DMD: variants seen among roughly 807,000 people sequenced by gnomAD.
DMD encodes the protein dystrophin.
Under a neutral mutation model 330.1 loss-of-function variants are expected in DMD, and 63 were observed. The observed-to-expected ratio is 0.19, with a 90% confidence interval of 0.16 to 0.24. The LOEUF is 0.24. DMD is among the 10% of genes least tolerant of loss of function. The pLI is 1.00. For missense variants in DMD, 3,344 were observed against 2,684.1 expected, an observed-to-expected ratio of 1.25 and a Z score of -5.43; for synonymous variants, 1,223 against 959.8, an observed-to-expected ratio of 1.27 and a Z score of -5.07.
At chrX:32,729,642 G>A (rs1171596380) in intron 7 of DMD, among the ~76,000 whole-genome samples, 2 of 111,726 alleles carry the variant, frequency 1.8e-5, no homozygotes, top group Non-Finnish European at 3.8e-5. Flanking sequence ...TTGTTAAAAA[G>A]AAATATGCCA....
chrX:31,365,959 AAAC>A (rs1182561967), intron 60 of DMD, among the ~76,000 whole-genome samples: 1 of 112,507 alleles, frequency 8.9e-6, no homozygotes, highest in African/African-American at 3.2e-5. Context: ...TAAAAAAGCC[AAAC>A]AACAGAAATG....
chrX:32,143,497 G>GT (rs1296469383), intron 44 of DMD, among the ~76,000 whole-genome samples: 2 of 110,448 alleles, frequency 1.8e-5, no homozygotes, highest in African/African-American at 6.6e-5. Flanking sequence ...ATTGTATGCT[G>GT]TAGGCTGCCA....
intron 17 of DMD, among the ~76,000 whole-genome samples, chrX:32,518,434 G>C (rs1206369439): frequency 9.2e-6 from 1 of 108,889 alleles, no homozygotes; most frequent in Non-Finnish European, 1.9e-5. Flanking sequence ...ATTTGAAAAA[G>C]TACTACTTCC....
chrX:31,655,829 T>C (rs914061516), intron 54 of DMD, among the ~76,000 whole-genome samples: 1 of 111,606 alleles, frequency 9.0e-6, no homozygotes, highest in African/African-American at 3.3e-5. Context: ...CAAATCCCTG[T>C]TCATTATAAA....
Position 33,290,229 on chromosome X carries a change from T to C in DMD, c.7+49030A>G, listed in dbSNP as rs5927160. ...ATTGTTACTATTCTAATCAAAATCA[T>C]ATTACACTTATGACTTTATAAGTAC... is the stretch of plus-strand genomic sequence containing the variant. On this transcript the variant is annotated intron_variant, in intron 1 of 17. Transcript: ENST00000288447. Among the ~76,000 whole-genome samples, 1,112 of 111,439 alleles carry C rather than the reference T, an allele frequency of 1.0e-2. 11 individuals carry two copies. Among genetic ancestry groups the C allele is most frequent in the Non-Finnish European group, 0.018 (927 of 52,945 alleles).
chrX:31,820,563 C>G (rs1291081074), intron 49 of DMD, among the ~76,000 whole-genome samples: 4 of 112,033 alleles, frequency 3.6e-5, no homozygotes, highest in Admixed American at 1.9e-4. Context: ...GACTCTTGTT[C>G]TAGATGATGG....
intron 1 of DMD, among the ~76,000 whole-genome samples, chrX:33,048,349 C>G (rs1398305542): frequency 9.0e-6 from 1 of 111,205 alleles, no homozygotes; most frequent in African/African-American, 3.3e-5. Flanking sequence ...AATCATGTGT[C>G]ACAAATTTAT....
At chrX:32,758,119 C>T (rs2071749637) in intron 7 of DMD, among the ~76,000 whole-genome samples, 1 of 112,021 alleles carries the variant, frequency 8.9e-6, no homozygotes, top group Admixed American at 9.5e-5. Flanking sequence ...TCTTCCTTGT[C>T]TCACTTTTCC....
chrX:31,967,762 C>T (rs138189181), intron 45 of DMD, among the ~76,000 whole-genome samples: 6 of 111,488 alleles, frequency 5.4e-5, no homozygotes, highest in Admixed American at 9.5e-5. Flanking sequence ...GCTTTCTGTG[C>T]CTTCAATACA....
At chrX:32,585,127 G>A (rs559448470) in intron 13 of DMD, among the ~76,000 whole-genome samples, 2 of 111,206 alleles carry the variant, frequency 1.8e-5, no homozygotes, top group African/African-American at 6.5e-5. Flanking sequence ...ACATGTGGGA[G>A]CTAAAAAATT....
chrX:32,477,182 A>G (rs1023038696), intron 21 of DMD, among the ~76,000 whole-genome samples: 2 of 111,464 alleles, frequency 1.8e-5, no homozygotes, highest in Admixed American at 1.9e-4. Flanking sequence ...TTAGTGAAAT[A>G]TATTCAACAA....
chrX:33,140,025 G>T (rs910280780), intron 1 of DMD, among the ~76,000 whole-genome samples: 3 of 111,142 alleles, frequency 2.7e-5, no homozygotes, highest in African/African-American at 9.8e-5. Flanking sequence ...ACTTTTGAAA[G>T]GACAGAACAA....
intron 44 of DMD, among the ~76,000 whole-genome samples, chrX:32,037,290 C>T (rs2147322391): frequency 9.0e-6 from 1 of 111,451 alleles, no homozygotes; most frequent in South Asian, 3.7e-4. Flanking sequence ...CAGTATATTC[C>T]CACAGAACAT....
At chrX:32,667,496 A>C (rs1241483838) in intron 9 of DMD, among the ~76,000 whole-genome samples, 4 of 111,954 alleles carry the variant, frequency 3.6e-5, no homozygotes, top group Non-Finnish European at 7.5e-5. Flanking sequence ...AGGGAGTACA[A>C]ATATTATATT....
intron 2 of DMD, among the ~76,000 whole-genome samples, chrX:32,867,836 C>T (rs1603450914): frequency 1.8e-5 from 2 of 111,559 alleles, no homozygotes; most frequent in African/African-American, 6.5e-5. Context: ...AATAATGGCT[C>T]GGTCCACATT....
In DMD at chrX:33,059,366, C is replaced by T. The variant is rs1485938091; in HGVS notation, c.32-39166G>A. ...CTTAGCTAAAATAATTTCCCTCTAT[C>T]TCTCTCTGTCTCACTTTCTTTCTCT... On this transcript the variant is annotated intron_variant, in intron 1 of 78. Coordinates refer to ENST00000357033, the MANE Select transcript of DMD (RefSeq NM_004006.3). Among the ~76,000 whole-genome samples, 6 of 102,234 alleles carry T rather than the reference C, an allele frequency of 5.9e-5. No individual in the cohort carries two copies. The Admixed American group carries it at 7.0e-4, about 12-fold the overall frequency. 88.8% of individuals were successfully genotyped at this position (102,234 alleles called of 115,157 possible).
At chrX:32,090,519 G>A (rs2096467267) in intron 44 of DMD, among the ~76,000 whole-genome samples, 1 of 110,878 alleles carries the variant, frequency 9.0e-6, no homozygotes, top group Admixed American at 9.6e-5. Context: ...TTTAAGGTGG[G>A]GATTATTCGT....
intron 60 of DMD, among the ~76,000 whole-genome samples, chrX:31,378,047 C>T (rs1325321166): frequency 1.8e-5 from 2 of 111,382 alleles, no homozygotes; most frequent in African/African-American, 6.5e-5. Context: ...TCTTATAAAA[C>T]GGCCCCACCC....
intron 13 of DMD, among the ~76,000 whole-genome samples, chrX:32,578,308 C>A (rs1360638295): frequency 8.9e-6 from 1 of 112,235 alleles, no homozygotes; most frequent in Non-Finnish European, 1.9e-5. Flanking sequence ...AAACATTCTA[C>A]ACATAAATGT....
Sources: allele counts gnomAD v4.1 joint callset (sites outside exome capture counted in the v4.1 genomes callset), GRCh38; gene constraint gnomAD v4.1.1; transcripts MANE v1.5; gene names NCBI Gene and HGNC (gene_info 2026-07-23, HGNC 2026-07-21).